The following GALNT14 variants were observed in gnomAD, a reference collection of about 807,000 sequenced individuals.
GALNT14 encodes polypeptide N-acetylgalactosaminyltransferase 14.
A neutral mutation model predicts 77.5 loss-of-function variants in GALNT14; 60 were observed. The ratio of observed to expected loss-of-function variants is 0.77; its 90% CI spans 0.63 to 0.96. GALNT14 has a LOEUF of 0.96. Ranked by LOEUF, GALNT14 falls within the 40% of genes least tolerant of loss-of-function variation. The probability of loss-of-function intolerance (pLI) is 0.00; values close to 1 mark genes in which losing one functional copy is unlikely to be tolerated. For missense variants in GALNT14, 710 were observed against 731.0 expected, an observed-to-expected ratio of 0.97 and a Z score of 0.33; for synonymous variants, 280 against 281.7, an observed-to-expected ratio of 0.99 and a Z score of 0.06.
chr2:31,080,065 G>C (rs1676059720), intron 1 of GALNT14, among the ~76,000 whole-genome samples: 1 of 152,226 alleles, frequency 6.6e-6, no homozygotes, highest in South Asian at 2.1e-4. Context: ...ACACATCAAT[G>C]AAAACAGTGC....
chr2:30,908,479 T>C (rs1164601283), downstream of GALNT14, among the ~76,000 whole-genome samples: 12 of 141,732 alleles, frequency 8.5e-5, no homozygotes, highest in African/African-American at 3.2e-4. Context: ...GAGAATAAAA[T>C]ACCTAGGAAT....
chr2:31,075,772 C>A (rs1675738075), intron 1 of GALNT14, among the ~76,000 whole-genome samples: 1 of 152,346 alleles, frequency 6.6e-6, no homozygotes, highest in South Asian at 2.1e-4. Context: ...CACTTTGAGG[C>A]AGGCAGGAAG....
At chr2:31,076,170 T>C (rs571812270) in intron 1 of GALNT14, among the ~76,000 whole-genome samples, 1 of 152,302 alleles carries the variant, frequency 6.6e-6, no homozygotes, top group East Asian at 1.9e-4. Flanking sequence ...CCCACAAATA[T>C]TTAGTGAGTT....
At chr2:30,911,154 T>C in intron 14 of GALNT14, 95 bp from the exon 15 acceptor site, 1 of 1,100,460 alleles carries the variant, frequency 9.1e-7, no homozygotes, top group South Asian at 1.5e-5. Context: ...ATGTCTAGGG[T>C]CACTGAGAGA....
At chr2:30,924,366 GC>G in intron 12 of GALNT14, 103 bp from the exon 13 acceptor site, 1 of 1,278,730 alleles carries the variant, frequency 7.8e-7, no homozygotes, top group Non-Finnish European at 1.1e-6. Context: ...GCAGGGCTGG[GC>G]TGTTAGAAAA....
chr2:31,037,313 G>A (rs1043898137), intron 1 of GALNT14, among the ~76,000 whole-genome samples: 37 of 152,148 alleles, frequency 2.4e-4, no homozygotes, highest in African/African-American at 5.8e-4. Context: ...TTCAACTCCA[G>A]AATGTCTATT....
At chr2:31,096,029 G>A (rs1009278297) in intron 1 of GALNT14, among the ~76,000 whole-genome samples, 2 of 152,022 alleles carry the variant, frequency 1.3e-5, no homozygotes, top group African/African-American at 4.8e-5. Flanking sequence ...CACCTTCTAG[G>A]TTCACCCATA....
intron 2 of GALNT14, among the ~76,000 whole-genome samples, chr2:30,989,096 T>C (rs1669498458): frequency 6.6e-6 from 1 of 152,192 alleles, no homozygotes. Flanking sequence ...AGAGCAGTGG[T>C]TCTTAACCCT....
At chr2:30,929,345 G>T in intron 11 of GALNT14, 50 bp downstream of exon 11, 1 of 1,441,170 alleles carries the variant, frequency 6.9e-7, no homozygotes, top group Non-Finnish European at 9.8e-7. Flanking sequence ...GGTCCTAGGA[G>T]CTGGGCTCTT....
chr2:30,900,062 A>G, the GALNT14 span, among the ~76,000 whole-genome samples: 26 of 152,326 alleles, frequency 1.7e-4, no homozygotes, highest in Admixed American at 7.2e-4. Flanking sequence ...ACTTAACTCT[A>G]TTACGGGTAA....
At chr2:31,130,784 G>GTGTGTGTGTGCA (rs57066682) in intron 1 of GALNT14, among the ~76,000 whole-genome samples, 1 of 125,040 alleles carries the variant, frequency 8.0e-6, no homozygotes, top group African/African-American at 4.1e-5. Context: ...GTGTGTGTGT[G>GTGTGTGTGTGCA]CGCGCGCACC....
intron 1 of GALNT14, among the ~76,000 whole-genome samples, chr2:31,126,085 G>A (rs958427543): frequency 5.9e-5 from 9 of 152,144 alleles, no homozygotes; most frequent in South Asian, 2.1e-4. Context: ...GTCAGATAGC[G>A]GTGAAAGCAC....
intron 1 of GALNT14, among the ~76,000 whole-genome samples, chr2:31,030,381 C>G (rs1213490701): frequency 1.3e-5 from 2 of 151,940 alleles, no homozygotes; most frequent in South Asian, 2.1e-4. Context: ...ACATACCATT[C>G]TAGGTATGTT....
chr2:31,065,582 G>C (rs577909970), intron 1 of GALNT14, among the ~76,000 whole-genome samples: 1 of 152,318 alleles, frequency 6.6e-6, no homozygotes, highest in East Asian at 1.9e-4. Flanking sequence ...GCCAGGAGGA[G>C]GGCCTTGGAA....
At chr2:31,115,870 T>A (rs2148630929) in intron 1 of GALNT14, among the ~76,000 whole-genome samples, 1 of 152,278 alleles carries the variant, frequency 6.6e-6, no homozygotes, top group South Asian at 2.1e-4. Flanking sequence ...TAAAAAAAAT[T>A]AATTAGCTGA....
chr2:30,923,712 G>A (rs879753043), intron 13 of GALNT14, among the ~76,000 whole-genome samples: 7 of 152,136 alleles, frequency 4.6e-5, no homozygotes, highest in Non-Finnish European at 1.0e-4. Flanking sequence ...ATTCCGTCCT[G>A]TCCCAGAAGG....
At chr2:31,126,216 T>G (rs760735769) in intron 1 of GALNT14, among the ~76,000 whole-genome samples, 43 of 152,208 alleles carry the variant, frequency 2.8e-4, no homozygotes, top group Admixed American at 3.3e-4. Context: ...TGATCTAAAC[T>G]GTTCACTCTG....
chr2:30,975,581 T>A (rs1668581788), intron 2 of GALNT14, among the ~76,000 whole-genome samples: 1 of 152,238 alleles, frequency 6.6e-6, no homozygotes, highest in African/African-American at 2.4e-5. Flanking sequence ...TAAAATTAAT[T>A]TCACTTCTTT....
At chr2:30,942,717 C>T (rs558854104) in intron 8 of GALNT14, among the ~76,000 whole-genome samples, 12 of 152,264 alleles carry the variant, frequency 7.9e-5, no homozygotes, top group Admixed American at 4.6e-4. Context: ...AGTGGGCTAC[C>T]GACCACGCAG....
Sources: allele counts gnomAD v4.1 joint callset (sites outside exome capture counted in the v4.1 genomes callset), GRCh38; gene constraint gnomAD v4.1.1; transcripts MANE v1.5; gene names NCBI Gene and HGNC (gene_info 2026-07-23, HGNC 2026-07-21).